RAB15: variants seen among roughly 807,000 people sequenced by gnomAD.
RAB15 encodes ras-related protein Rab-15.
In RAB15, 13 loss-of-function variants were observed where a neutral mutation model predicts 31.8. That is an observed-to-expected ratio of 0.41 (90% confidence interval 0.27 to 0.65). The LOEUF is 0.65. Ranked by LOEUF, RAB15 falls within the 30% of genes least tolerant of loss-of-function variation. The pLI, the probability that RAB15 is intolerant of heterozygous loss-of-function variation, is 0.32. For synonymous variants in RAB15, 100 were observed against 105.6 expected (o/e 0.95, Z 0.33); for missense variants, 220 against 277.3 (o/e 0.79, Z 1.47).
Position 64,972,093 on chromosome 14 carries a change from G to A in RAB15, c.-17C>T. The stretch of plus-strand genomic sequence containing the variant: ...CTTCGCCATGACTGGGGCCAGCGGG[G>A]CCGGGAACTGCGGGCGGGCAGCGGG... On this transcript the variant is annotated 5_prime_UTR_variant, in exon 1 of 7. Transcript: ENST00000533601. This position sits in a 1 kb window ranked among gnomAD's most constrained non-coding sequence, Gnocchi z 6.3. 1.3e-6 allele frequency: 2 copies of A among 1,584,194 alleles called. No homozygotes were observed. Among genetic ancestry groups the A allele is most frequent in the Non-Finnish European group, 1.7e-6 (2 of 1,168,342 alleles).
In RAB15 at chr14:64,950,355, T is replaced by C. The variant is rs1392056487; in HGVS notation, c.384A>G (p.Lys128=). 4 of 1,614,054 alleles carry C rather than the reference T, an allele frequency of 2.5e-6. No individual in the cohort carries two copies. Among genetic ancestry groups the C allele is most frequent in the Non-Finnish European group, 3.4e-6 (4 of 1,180,024 alleles). ...GCCCTTGCTCTCTTCCCACCTGCCG[T>C]TTCTGCTCCTCATCAGCCTTATTCC... ...LIGNKADEEQ[K]RQVGREQGQQ... is the part of the protein sequence containing the mutation. The change falls in exon 5 of 7, where the codon AAA becomes AAG. Residue 128 remains lysine, a synonymous_variant. Coordinates refer to ENST00000533601, the MANE Select transcript of RAB15 (RefSeq NM_001308154.2). The surrounding 1 kb of genome is among the most constrained non-coding windows in gnomAD (Gnocchi z 5.6).
chr14:64,966,536 T>TA (rs764148712), intron 1 of RAB15, among the ~76,000 whole-genome samples: 2,804 of 149,548 alleles, frequency 0.019, 98 homozygotes, highest in African/African-American at 0.065. Flanking sequence ...AAAAAATAAA[T>TA]AAATAAATAA....
chr14:64,971,370 C>G lies in RAB15; in HGVS notation c.124+583G>C, dbSNP rs912082317. 3.3e-5 allele frequency among the ~76,000 whole-genome samples: 5 copies of G among 152,166 alleles called. No homozygotes were observed. The highest frequency in any genetic ancestry group is 7.4e-5 in the Non-Finnish European group (5 of 68,024). Reference sequence around the variant, plus strand: ...CCTCAGAACAGATGTCTCCTCTTCCCAGGCGCAGGGGCTCCTCACCCTATC... The same window carrying G: ...CCTCAGAACAGATGTCTCCTCTTCCGAGGCGCAGGGGCTCCTCACCCTATC... On this transcript the variant is annotated intron_variant, in intron 1 of 6. Transcript: ENST00000533601. This position sits in a 1 kb window ranked among gnomAD's most constrained non-coding sequence, Gnocchi z 4.1.
At chr14:64,969,060 A>G (rs978214230) in intron 1 of RAB15, among the ~76,000 whole-genome samples, 1 of 152,234 alleles carries the variant, frequency 6.6e-6, no homozygotes, top group Non-Finnish European at 1.5e-5. Context: ...TATCTTGGCA[A>G]TAACTGGTGA....
At chr14:64,969,785 G>T (rs896206248) in intron 1 of RAB15, among the ~76,000 whole-genome samples, 2 of 152,174 alleles carry the variant, frequency 1.3e-5, no homozygotes, top group Non-Finnish European at 2.9e-5. Flanking sequence ...AGGGTTTCAG[G>T]AAGTCCCTGT....
At position 64,948,841 on chromosome 14, in the gene RAB15, C is replaced by T. The variant is rs1399217620; in HGVS notation, c.415-108G>A. 42 of 954,284 alleles carry T rather than the reference C, an allele frequency of 4.4e-5. No homozygotes were observed. In the South Asian group the frequency reaches 4.7e-4, roughly 11 times the overall value. The allele number at this position is 954,284 out of a possible 1,614,324, so 59.1% of individuals were successfully genotyped here. On this transcript the variant is annotated intron_variant, in intron 5 of 6. Coordinates refer to ENST00000533601, the MANE Select transcript of RAB15 (RefSeq NM_001308154.2). The surrounding 1 kb of genome is among the most constrained non-coding windows in gnomAD (Gnocchi z 7.0). The stretch of plus-strand genomic sequence containing the variant: ...CACTCACAACCATGCTGTGTTGTGA[C>T]GATTTCTCAGAGTAGATAATTTCTC...
rs1886017850 is a variant in RAB15, at chr14:64,948,158, G to A, written c.*196C>T. 1 of 550,236 alleles carries A rather than the reference G, an allele frequency of 1.8e-6. No individual in the cohort carries two copies. Among genetic ancestry groups the A allele is most frequent in the South Asian group, 3.1e-5 (1 of 32,220 alleles). 34.1% of individuals were successfully genotyped at this position (550,236 alleles called of 1,614,324 possible). On this transcript the variant is annotated 3_prime_UTR_variant, in exon 7 of 7. Coordinates refer to ENST00000533601, the MANE Select transcript of RAB15 (RefSeq NM_001308154.2). This position sits in a 1 kb window ranked among gnomAD's most constrained non-coding sequence, Gnocchi z 7.0. ...AGGCTGAAGAAGACCACTCCAGGGT[G>A]GACGGGCTGGGGACAGGGGCTGCTT...
rs1885914380 is a variant in RAB15, at chr14:64,946,222, A to G, written c.*2132T>C. On this transcript the variant is annotated 3_prime_UTR_variant, in exon 7 of 7. Coordinates refer to ENST00000533601, the MANE Select transcript of RAB15 (RefSeq NM_001308154.2). ...TCCAGAACCCCTAGGGTACAGTACA[A>G]ATATAGTCCTTCTTTCCTGAGGGGG... 6.6e-6 allele frequency: 1 copy of G among 152,208 alleles called. No individual in the cohort carries two copies. The highest frequency in any genetic ancestry group is 1.5e-5 in the Non-Finnish European group (1 of 68,042). The allele number at this position is 152,208 out of a possible 1,614,324, so 9.4% of individuals were successfully genotyped here. A position where few individuals can be genotyped will look rare whatever the true frequency, so the allele number is the denominator to read the frequency against.
chr14:64,954,301 T>A lies in RAB15; in HGVS notation c.125-1730A>T, dbSNP rs1443047786. On this transcript the variant is annotated intron_variant, in intron 1 of 6. Transcript: ENST00000533601. This position sits in a 1 kb window ranked among gnomAD's most constrained non-coding sequence, Gnocchi z 4.3. ...AGGCCTTGGGAAGCAGGAGTATGCT[T>A]ATTTCTGCCTGGATCAACGGTTATC... The A allele has an allele frequency of 1.4e-5, 14 of 985,242 alleles. No homozygotes were observed. The highest frequency in any genetic ancestry group is 1.7e-5 in the Non-Finnish European group (14 of 829,928). 61.0% of individuals were successfully genotyped at this position (985,242 alleles called of 1,614,324 possible).
Position 64,958,829 on chromosome 14 carries a change from A to T in RAB15, c.125-6258T>A, listed in dbSNP as rs1261007675. ...GTGCCCAAAGCACGGAGAGCAGCTC[A>T]TTGTTTTTCCCGGCACATTAGATAT... On this transcript the variant is annotated intron_variant, in intron 1 of 6. Transcript: ENST00000533601. This position sits in a 1 kb window ranked among gnomAD's most constrained non-coding sequence, Gnocchi z 4.4. Among the ~76,000 whole-genome samples, 5 of 152,180 alleles carry T rather than the reference A, an allele frequency of 3.3e-5. No individual in the cohort carries two copies. The highest frequency in any genetic ancestry group is 1.2e-4 in the African/African-American group (5 of 41,434).
chr14:64,967,889 A>G (rs754437325), intron 1 of RAB15, among the ~76,000 whole-genome samples: 1 of 151,922 alleles, frequency 6.6e-6, no homozygotes, highest in African/African-American at 2.4e-5. Context: ...GGCCATTCAG[A>G]GGTTCCTTCA....
chr14:64,959,075 G>A (rs1468740455), intron 1 of RAB15, among the ~76,000 whole-genome samples: 1 of 152,200 alleles, frequency 6.6e-6, no homozygotes, highest in Non-Finnish European at 1.5e-5. Context: ...CTCCAGGCAG[G>A]GCAGTGGGGA....
chr14:64,948,501 A>G lies in RAB15; in HGVS notation c.492T>C (p.Arg164=). ...TNLNIKESFT[R]LTELVLQAHR... ...GGGCCTGCAGCACCAGCTCTGTCAG[A>G]CGCGTGAATGACTGGAAACCAAAGG... The change falls in exon 7 of 7, where the codon CGT becomes CGC. Residue 164 remains arginine (R), a synonymous_variant. Coordinates refer to ENST00000533601, the MANE Select transcript of RAB15 (RefSeq NM_001308154.2). This position sits in a 1 kb window ranked among gnomAD's most constrained non-coding sequence, Gnocchi z 7.0. The G allele has an allele frequency of 1.2e-6, 2 of 1,607,652 alleles. No homozygotes were observed. The highest frequency in any genetic ancestry group is 1.7e-6 in the Non-Finnish European group (2 of 1,176,926).
chr14:64,968,412 C>A lies in RAB15; in HGVS notation c.124+3541G>T, dbSNP rs1224314360. 6.6e-6 allele frequency among the ~76,000 whole-genome samples: 1 copy of A among 152,212 alleles called. No homozygotes were observed. The highest frequency in any genetic ancestry group is 1.5e-5 in the Non-Finnish European group (1 of 68,050). On this transcript the variant is annotated intron_variant, in intron 1 of 6. Coordinates refer to ENST00000533601, the MANE Select transcript of RAB15 (RefSeq NM_001308154.2). The surrounding 1 kb of genome is among the most constrained non-coding windows in gnomAD (Gnocchi z 4.9). The stretch of plus-strand genomic sequence containing the variant: ...CACAGGGGCCTCTCTCTTCCCCAGC[C>A]TCCGACAGCATGGAGTCGTGGGAAT...
chr14:64,951,766 G>T lies in RAB15; in HGVS notation c.186-103C>A. On this transcript the variant is annotated intron_variant, in intron 2 of 6. Transcript: ENST00000533601. The surrounding 1 kb of genome is among the most constrained non-coding windows in gnomAD (Gnocchi z 7.2). The stretch of plus-strand genomic sequence containing the variant: ...TTGTAGGAAAAACTGGGGAGCTAAA[G>T]GGTGAAAAACCAGGGATGCTTGGAT... 9.9e-7 allele frequency: 1 copy of T among 1,009,152 alleles called. No individual in the cohort carries two copies. Among genetic ancestry groups the T allele is most frequent in the Non-Finnish European group, 1.6e-6 (1 of 635,986 alleles). The allele number at this position is 1,009,152 out of a possible 1,614,324, so 62.5% of individuals were successfully genotyped here.
chr14:64,957,567 C>T (rs1453114472), intron 1 of RAB15, among the ~76,000 whole-genome samples: 2 of 152,212 alleles, frequency 1.3e-5, no homozygotes, highest in African/African-American at 2.4e-5. Context: ...GAACCACACC[C>T]AGGTGCATAG....
rs1378554752 is a variant in RAB15, at chr14:64,971,633, C to A, written c.124+320G>T. 6.6e-6 allele frequency among the ~76,000 whole-genome samples: 1 copy of A among 152,036 alleles called. No individual in the cohort carries two copies. The highest frequency in any genetic ancestry group is 2.4e-5 in the African/African-American group (1 of 41,398). ...TGGGGGTGTGGGGATGTTATTCCAG[C>A]GGCTACGATTCTTGCTACCCCAGCT... On this transcript the variant is annotated intron_variant, in intron 1 of 6. Coordinates refer to ENST00000533601, the MANE Select transcript of RAB15 (RefSeq NM_001308154.2). This position sits in a 1 kb window ranked among gnomAD's most constrained non-coding sequence, Gnocchi z 4.1.
In RAB15 at chr14:64,962,147, G is replaced by A. The variant is rs781302345; in HGVS notation, c.125-9576C>T. ...TGAGAATCGCTTGAACCTGGGAGGC[G>A]GAAGTTGCAGTGAGCCAAGATTGTG... On this transcript the variant is annotated intron_variant, in intron 1 of 6. Transcript: ENST00000533601. The surrounding 1 kb of genome is among the most constrained non-coding windows in gnomAD (Gnocchi z 4.2). 8.6e-5 allele frequency among the ~76,000 whole-genome samples: 13 copies of A among 152,000 alleles called. No individual in the cohort carries two copies. The highest frequency in any genetic ancestry group is 1.2e-4 in the African/African-American group (5 of 41,438).
At position 64,955,536 on chromosome 14, in the gene RAB15, A is replaced by C. The variant is rs1198547542; in HGVS notation, c.125-2965T>G. Among the ~76,000 whole-genome samples the C allele has an allele frequency of 6.6e-6, 1 of 152,162 alleles. No individual in the cohort carries two copies. The stretch of plus-strand genomic sequence containing the variant: ...TGGCCAGCCCTCGCAGCTGCTTAGC[A>C]AACTGTTTATTCACATGTGTGTTCA... On this transcript the variant is annotated intron_variant, in intron 1 of 6. Coordinates refer to ENST00000533601, the MANE Select transcript of RAB15 (RefSeq NM_001308154.2). The surrounding 1 kb of genome is among the most constrained non-coding windows in gnomAD (Gnocchi z 4.4).
Sources: allele counts gnomAD v4.1 joint callset (sites outside exome capture counted in the v4.1 genomes callset), GRCh38; gene constraint gnomAD v4.1.1; non-coding constraint Gnocchi (gnomAD v3.1); transcripts MANE v1.5; gene names NCBI Gene and HGNC (gene_info 2026-07-23, HGNC 2026-07-21).